Variants in APBB1IP observed in about 807,000 individuals in gnomAD.
The protein encoded by APBB1IP is amyloid beta A4 precursor protein-binding family B member 1-interacting protein.
Under a neutral mutation model 64.9 loss-of-function variants are expected in APBB1IP, and 27 were observed. The ratio of observed to expected loss-of-function variants is 0.42; its 90% confidence interval spans 0.31 to 0.57. APBB1IP has a LOEUF of 0.57. Among genes scored for constraint, APBB1IP ranks in the 20% least tolerant of loss-of-function variants. The pLI, the probability that APBB1IP is intolerant of heterozygous loss-of-function variation, is 0.20. For synonymous variants in APBB1IP, 392 were observed against 331.0 expected, an observed-to-expected ratio of 1.18 and a Z score of -2.00; for missense variants, 812 against 845.5, an observed-to-expected ratio of 0.96 and a Z score of 0.49.
chr10:26,488,750 A>G (rs1235021566), intron 2 of APBB1IP, among the ~76,000 whole-genome samples: 2 of 152,228 alleles, frequency 1.3e-5, no homozygotes, highest in African/African-American at 4.8e-5. Flanking sequence ...ATCATCCGTC[A>G]CTGATGCTGT....
chr10:26,501,209 C>A, intron 5 of APBB1IP, 98 bp downstream of exon 5: 2 of 1,531,634 alleles, frequency 1.3e-6, no homozygotes, highest in Non-Finnish European at 1.8e-6. Flanking sequence ...TTGGTACATC[C>A]AAAGATCTGA....
intron 11 of APBB1IP, among the ~76,000 whole-genome samples, chr10:26,546,637 CTAACTA>C (rs1836768601): frequency 6.6e-6 from 1 of 152,164 alleles, no homozygotes; most frequent in Non-Finnish European, 1.5e-5. Flanking sequence ...CTTATTCTTC[CTAACTA>C]TAACACTGTA....
intron 2 of APBB1IP, among the ~76,000 whole-genome samples, chr10:26,470,240 T>C (rs1178165081): frequency 6.6e-6 from 1 of 152,196 alleles, no homozygotes; most frequent in Non-Finnish European, 1.5e-5. Context: ...AACTCTTCAT[T>C]ATAAAAGAGG....
chr10:26,488,808 G>A (rs554873429), intron 2 of APBB1IP, among the ~76,000 whole-genome samples: 154 of 152,212 alleles, frequency 1.0e-3, no homozygotes, highest in African/African-American at 3.6e-3. Context: ...CTAGACCTTC[G>A]GTGTTTTTCT....
intron 14 of APBB1IP, 111 bp downstream of exon 14, chr10:26,562,540 C>A: frequency 1.2e-6 from 1 of 859,724 alleles, no homozygotes. Context: ...TAGCTCACAC[C>A]TGTAATCCCA....
chr10:26,481,577 T>C (rs369407042), intron 2 of APBB1IP, among the ~76,000 whole-genome samples: 4 of 152,244 alleles, frequency 2.6e-5, no homozygotes, highest in African/African-American at 9.6e-5. Flanking sequence ...CATGAGCTCT[T>C]GCGCTCAAAG....
Position 26,567,752 on chromosome 10 carries a change from T to C in APBB1IP, c.*264T>C. ...GCCTAAAGCGCTGTTTTAGGTTCAT[T>C]TATTTTATTATGTTCAGAAGCATCA... On this transcript the variant is annotated 3_prime_UTR_variant, in exon 15 of 15. Transcript: ENST00000376236. 3.3e-6 allele frequency: 2 copies of C among 612,562 alleles called. No homozygotes were observed. Among genetic ancestry groups the C allele is most frequent in the Non-Finnish European group, 4.6e-6 (2 of 435,278 alleles). 37.9% of individuals were successfully genotyped at this position (612,562 alleles called of 1,614,324 possible).
chr10:26,489,886 A>G, intron 2 of APBB1IP, among the ~76,000 whole-genome samples: 1 of 152,162 alleles, frequency 6.6e-6, no homozygotes, highest in Non-Finnish European at 1.5e-5. Flanking sequence ...TTAGCCAGGC[A>G]TAGTGGTGGG....
chr10:26,498,234 C>T (rs190192492), intron 4 of APBB1IP, among the ~76,000 whole-genome samples: 173 of 151,944 alleles, frequency 1.1e-3, no homozygotes, highest in African/African-American at 3.7e-3. Context: ...GCAGGCCAGG[C>T]GTGGTGGCTC....
chr10:26,526,190 T>C (rs1298365574), intron 8 of APBB1IP, among the ~76,000 whole-genome samples: 1 of 152,140 alleles, frequency 6.6e-6, no homozygotes, highest in Non-Finnish European at 1.5e-5. Flanking sequence ...ATTCTGGTAT[T>C]AACGTAAGCC....
chr10:26,560,934 T>C, intron 13 of APBB1IP, 90 bp downstream of exon 13: 1 of 912,152 alleles, frequency 1.1e-6, no homozygotes, highest in African/African-American at 1.6e-5. Flanking sequence ...AACAGGACTT[T>C]GTACACAGCA....
chr10:26,445,631 C>A (rs944752375), intron 2 of APBB1IP, among the ~76,000 whole-genome samples: 17 of 152,352 alleles, frequency 1.1e-4, no homozygotes, highest in East Asian at 1.9e-4. Flanking sequence ...AAACAAGATT[C>A]TGCGGAAGTT....
At chr10:26,470,582 C>T (rs1224006619) in intron 2 of APBB1IP, among the ~76,000 whole-genome samples, 3 of 152,062 alleles carry the variant, frequency 2.0e-5, no homozygotes, top group African/African-American at 7.2e-5. Context: ...TGATTTTGCC[C>T]AACTATAGGC....
chr10:26,481,777 G>A (rs1226370737), intron 2 of APBB1IP, among the ~76,000 whole-genome samples: 3 of 151,594 alleles, frequency 2.0e-5, no homozygotes, highest in South Asian at 2.1e-4. Flanking sequence ...GTAACCCACC[G>A]CACCTGGCCT....
chr10:26,533,363 C>T, intron 8 of APBB1IP, 76 bp from the exon 9 acceptor site: 1 of 822,736 alleles, frequency 1.2e-6, no homozygotes, highest in Non-Finnish European at 1.8e-6. Flanking sequence ...TTCTTTCCAG[C>T]AAGACTGTGA....
intron 2 of APBB1IP, among the ~76,000 whole-genome samples, chr10:26,490,450 C>T (rs1835941520): frequency 6.6e-6 from 1 of 152,016 alleles, no homozygotes. Flanking sequence ...CATGGCGAAA[C>T]CCCGTCTCTA....
At position 26,492,378 on chromosome 10, in the gene APBB1IP, G is replaced by A. The variant is rs1835965939; in HGVS notation, c.52G>A (p.Glu18Lys). The A allele has an allele frequency of 1.2e-6, 2 of 1,614,026 alleles. No homozygotes were observed. Among genetic ancestry groups the A allele is most frequent in the Non-Finnish European group, 1.7e-6 (2 of 1,179,950 alleles). Residue 18 changes from glutamate to lysine, a missense_variant, in exon 3 of 15, where the codon GAG (glutamate) becomes AAG (lysine). By Grantham distance (56) the Glu-to-Lys change is moderately conservative. This residue lies in a region of APBB1IP where 394 missense variants were observed against 413.1 expected (regional missense o/e 0.95). Coordinates refer to ENST00000376236, the MANE Select transcript of APBB1IP (RefSeq NM_019043.4). Reference protein sequence around the residue: ...IDQMFSTLLGEMDLLTQSLGV... With the variant: ...IDQMFSTLLGKMDLLTQSLGV... ...CCAAATGTTCAGCACTTTGCTGGGA[G>A]AGATGGATCTTCTGACTCAGGTAAA...
At position 26,567,713 on chromosome 10, in the gene APBB1IP, T is replaced by C; in HGVS notation, c.*225T>C. On this transcript the variant is annotated 3_prime_UTR_variant, in exon 15 of 15. Transcript: ENST00000376236. Reference sequence around the variant, plus strand: ...TATTTTAACCTAAATGGAATGTATCTTCCCTTCCAAGCTGCCTAAAGCGCT... The same window carrying C: ...TATTTTAACCTAAATGGAATGTATCCTCCCTTCCAAGCTGCCTAAAGCGCT... 2.7e-6 allele frequency: 3 copies of C among 1,107,616 alleles called. No individual in the cohort carries two copies. The highest frequency in any genetic ancestry group is 3.5e-6 in the Non-Finnish European group (3 of 854,322). The allele number at this position is 1,107,616 out of a possible 1,614,324, so 68.6% of individuals were successfully genotyped here.
In APBB1IP at chr10:26,438,674, C is replaced by T. The variant is rs922878642; in HGVS notation, c.-180C>T. 4 of 152,176 alleles carry T rather than the reference C, an allele frequency of 2.6e-5. No individual in the cohort carries two copies. Among genetic ancestry groups the T allele is most frequent in the Non-Finnish European group, 5.9e-5 (4 of 68,076 alleles). 9.4% of individuals were successfully genotyped at this position (152,176 alleles called of 1,614,324 possible). ...CAGGGGCCTTCCTTGCACCTCGGAG[C>T]AAAGCAGCTCGGATAGCGCCACACG... is the stretch of plus-strand genomic sequence containing the variant. On this transcript the variant is annotated 5_prime_UTR_variant, in exon 2 of 15. Transcript: ENST00000376236.
Sources: gnomAD v4.1 joint callset for allele counts (sites outside exome capture counted in the v4.1 genomes callset) on GRCh38, gnomAD v4.1.1 for gene constraint, gnomAD v4.1.1 regional missense constraint, MANE v1.5 for transcripts, NCBI Gene and HGNC (gene_info 2026-07-23, HGNC 2026-07-21) for gene names.